Variants in SASH1 observed in about 807,000 individuals in gnomAD.
The protein encoded by SASH1 is SAM and SH3 domain containing 1, also known as SAM and SH3 domain-containing protein 1.
A neutral mutation model predicts 125.2 loss-of-function variants in SASH1; 44 were observed. The ratio of observed to expected loss-of-function variants is 0.35; its 90% CI spans 0.28 to 0.45. The LOEUF is 0.45. Ranked by LOEUF, SASH1 falls within the 20% of genes least tolerant of loss-of-function variation. The probability of loss-of-function intolerance (pLI) is 1.00; values close to 1 mark genes in which losing one functional copy is unlikely to be tolerated. For synonymous variants in SASH1, 639 were observed against 649.1 expected, an observed-to-expected ratio of 0.98 and a Z score of 0.24; for missense variants, 1,426 against 1,614.5, an observed-to-expected ratio of 0.88 and a Z score of 2.00.
chr6:148,302,372 A>G (rs1336779814), intron 1 of SASH1, among the ~76,000 whole-genome samples: 1 of 149,970 alleles, frequency 6.7e-6, no homozygotes, highest in African/African-American at 2.4e-5. Flanking sequence ...GTTAATAGAG[A>G]CTAAGTGAGA....
At chr6:148,246,999 T>A in the SASH1 span, among the ~76,000 whole-genome samples, 1 of 152,118 alleles carries the variant, frequency 6.6e-6, no homozygotes, top group Non-Finnish European at 1.5e-5. Context: ...ACAGTTCCAA[T>A]AAAGTGCTGC....
chr6:148,202,406 T>A, the SASH1 span, among the ~76,000 whole-genome samples: 3 of 152,076 alleles, frequency 2.0e-5, no homozygotes, highest in African/African-American at 4.8e-5. Context: ...GCTGGACTCA[T>A]CCTTTCCATC....
intron 2 of SASH1, among the ~76,000 whole-genome samples, chr6:148,438,952 C>T (rs935394068): frequency 6.6e-6 from 1 of 152,086 alleles, no homozygotes; most frequent in Non-Finnish European, 1.5e-5. Context: ...AAAAGTATAA[C>T]TTTGCTCTGA....
chr6:148,330,812 C>G (rs982266365), intron 1 of SASH1, among the ~76,000 whole-genome samples: 3 of 152,172 alleles, frequency 2.0e-5, no homozygotes, highest in Non-Finnish European at 4.4e-5. Context: ...TCTCGAACTC[C>G]TGACCTCAGG....
rs752435115 is a variant in SASH1, at chr6:148,487,625, C to T, written c.639C>T (p.Tyr213=). The T allele has an allele frequency of 1.9e-6, 3 of 1,612,372 alleles. No homozygotes were observed. The highest frequency in any genetic ancestry group is 2.2e-5 in the East Asian group (1 of 44,738). The change falls in exon 8 of 20, where the codon TAC becomes TAT. Residue 213 remains tyrosine (Y), a synonymous_variant. Transcript: ENST00000367467. ...TCTTCTTGTTACAGCTCAAGGAATACGAGGCCCAGCACCGGCAGTCGGCTG... is the reference window on the plus strand; with the variant it reads ...TCTTCTTGTTACAGCTCAAGGAATATGAGGCCCAGCACCGGCAGTCGGCTG... The part of the protein sequence containing the change: ...IEEALARLKE[Y]EAQHRQSAAL...
the SASH1 span, among the ~76,000 whole-genome samples, chr6:148,243,651 C>CAAAAAA: frequency 1.4e-5 from 1 of 70,288 alleles, no homozygotes; most frequent in Admixed American, 2.1e-4. Context: ...AACTGTGTCT[C>CAAAAAA]AAAAAAAAAA....
intron 7 of SASH1, among the ~76,000 whole-genome samples, chr6:148,485,114 T>G (rs1355673888): frequency 2.6e-5 from 4 of 152,166 alleles, no homozygotes; most frequent in Non-Finnish European, 1.5e-5. Context: ...AATTTGTACC[T>G]GTTTTCCTTA....
At chr6:148,534,970 G>A in intron 16 of SASH1, 69 bp downstream of exon 16, 2 of 1,522,586 alleles carry the variant, frequency 1.3e-6, no homozygotes, top group Non-Finnish European at 1.8e-6. Flanking sequence ...TATGCTGCCA[G>A]TATGTGCTTA....
chr6:148,218,920 A>G, the SASH1 span, among the ~76,000 whole-genome samples: 4 of 152,202 alleles, frequency 2.6e-5, no homozygotes, highest in African/African-American at 9.7e-5. Flanking sequence ...CCCTCTTCCA[A>G]TCCAAAATGA....
At chr6:148,517,399 T>C (rs1317751015) in intron 9 of SASH1, among the ~76,000 whole-genome samples, 1 of 152,124 alleles carries the variant, frequency 6.6e-6, no homozygotes, top group Non-Finnish European at 1.5e-5. Flanking sequence ...CTGAATAAGA[T>C]AGATGATGGA....
At chr6:148,380,495 T>C (rs905582952) in intron 1 of SASH1, among the ~76,000 whole-genome samples, 5 of 152,230 alleles carry the variant, frequency 3.3e-5, no homozygotes, top group Non-Finnish European at 5.9e-5. Context: ...TCTGTGAATG[T>C]GGTCTATAAT....
chr6:148,345,077 A>G (rs1399559960), intron 1 of SASH1, among the ~76,000 whole-genome samples: 2 of 152,014 alleles, frequency 1.3e-5, no homozygotes, highest in Non-Finnish European at 2.9e-5. Flanking sequence ...TTATCCTGTT[A>G]TTTCTTGTCT....
chr6:148,277,872 A>G (rs1779229346), intron 1 of SASH1, among the ~76,000 whole-genome samples: 1 of 150,052 alleles, frequency 6.7e-6, no homozygotes, highest in South Asian at 2.1e-4. Flanking sequence ...GCGCGCCACC[A>G]AGCCCAGCTA....
chr6:148,396,478 G>GAAAAAAA (rs61277112), intron 2 of SASH1, among the ~76,000 whole-genome samples: 505 of 63,630 alleles, frequency 7.9e-3, no homozygotes, highest in Middle Eastern at 0.025. Context: ...CTGCATCTCA[G>GAAAAAAA]AAAAAAAAAA....
At position 148,423,448 on chromosome 6, in the gene SASH1, C is replaced by T. The variant is rs760183778; in HGVS notation, c.286-16736C>T. Among the ~76,000 whole-genome samples, 29 of 152,220 alleles carry T rather than the reference C, an allele frequency of 1.9e-4. 1 individual carries two copies. The highest frequency in any genetic ancestry group is 1.9e-3 in the Admixed American group (29 of 15,284). ...GTGGTTAAATGTCATGATAGCACCACATGATTTTACAATAGCAAAGACAAC... is the reference window on the plus strand; with the variant it reads ...GTGGTTAAATGTCATGATAGCACCATATGATTTTACAATAGCAAAGACAAC... On this transcript the variant is annotated intron_variant, in intron 2 of 19. Transcript: ENST00000367467.
intron 1 of SASH1, among the ~76,000 whole-genome samples, chr6:148,317,447 G>A (rs1780509095): frequency 6.6e-6 from 1 of 152,216 alleles, no homozygotes; most frequent in Non-Finnish European, 1.5e-5. Flanking sequence ...TTTTTGAGAT[G>A]GAGTTTCACT....
chr6:148,545,972 A>G, intron 18 of SASH1, 43 bp from the exon 19 acceptor site: 2 of 1,593,018 alleles, frequency 1.3e-6, no homozygotes, highest in East Asian at 2.2e-5. Context: ...GAAAAACAAA[A>G]TCCTTATGAC....
chr6:148,221,879 G>A, the SASH1 span, among the ~76,000 whole-genome samples: 2 of 152,166 alleles, frequency 1.3e-5, no homozygotes, highest in South Asian at 4.1e-4. Flanking sequence ...TTCCCTGCGG[G>A]TCACTTAGCC....
chr6:148,201,548 T>C, the SASH1 span, among the ~76,000 whole-genome samples: 1 of 152,138 alleles, frequency 6.6e-6, no homozygotes, highest in Non-Finnish European at 1.5e-5. Context: ...TGCCAGGCAA[T>C]GCCGATACTG....
Sources: gnomAD v4.1 joint callset for allele counts (sites outside exome capture counted in the v4.1 genomes callset) on GRCh38, gnomAD v4.1.1 for gene constraint, MANE v1.5 for transcripts, NCBI Gene and HGNC (gene_info 2026-07-23, HGNC 2026-07-21) for gene names.